KCNH1: variants seen among roughly 807,000 people sequenced by gnomAD.
The protein encoded by KCNH1 is potassium voltage-gated channel subfamily H member 1.
KCNH1 carries 27 observed loss-of-function variants against 69.2 expected under a neutral mutation model. The ratio of observed to expected loss-of-function variants is 0.39; its 90% CI spans 0.29 to 0.54. The LOEUF (loss-of-function observed/expected upper bound fraction) is 0.54, where lower values mean the gene tolerates loss of function less well. KCNH1 is among the 20% of genes least tolerant of loss of function. The pLI is 0.68. For missense variants in KCNH1, 798 were observed against 1,261.6 expected, an observed-to-expected ratio of 0.63 and a Z score of 5.57; for synonymous variants, 456 against 487.7, an observed-to-expected ratio of 0.93 and a Z score of 0.86.
At chr1:211,008,222 A>G (rs1490241181) in intron 6 of KCNH1, among the ~76,000 whole-genome samples, 1 of 152,228 alleles carries the variant, frequency 6.6e-6, no homozygotes, top group Non-Finnish European at 1.5e-5. Context: ...ATTCATCCTT[A>G]AAAAGGAAGC....
At chr1:210,903,738 A>G (rs1176115512) in intron 7 of KCNH1, among the ~76,000 whole-genome samples, 4 of 152,228 alleles carry the variant, frequency 2.6e-5, no homozygotes, top group Non-Finnish European at 4.4e-5. Flanking sequence ...ACCTCTCTGG[A>G]AAGTCCTGGA....
At chr1:210,882,000 A>G (rs1162605606) in intron 7 of KCNH1, among the ~76,000 whole-genome samples, 3 of 152,206 alleles carry the variant, frequency 2.0e-5, no homozygotes, top group Non-Finnish European at 4.4e-5. Context: ...TACAACACCA[A>G]GAGTGAACCC....
At chr1:211,108,988 G>A (rs1183134102) in intron 1 of KCNH1, among the ~76,000 whole-genome samples, 2 of 152,106 alleles carry the variant, frequency 1.3e-5, no homozygotes, top group Admixed American at 6.6e-5. Context: ...AAAGAAACAG[G>A]TAAGAAAACA....
chr1:210,862,399 A>T (rs1574302961), intron 7 of KCNH1: 1 of 596,192 alleles, frequency 1.7e-6, no homozygotes, highest in East Asian at 3.3e-5. Flanking sequence ...GCAATGGTGC[A>T]ATCTTAACTC....
intron 6 of KCNH1, among the ~76,000 whole-genome samples, chr1:210,920,369 C>T (rs963231709): frequency 6.6e-6 from 1 of 152,012 alleles, no homozygotes; most frequent in African/African-American, 2.4e-5. Context: ...TCATTACTTA[C>T]TTTAAAAAAT....
At chr1:210,714,370 C>T (rs567466982) in intron 10 of KCNH1, among the ~76,000 whole-genome samples, 1 of 152,294 alleles carries the variant, frequency 6.6e-6, no homozygotes, top group Non-Finnish European at 1.5e-5. Context: ...GATAGGTGCT[C>T]ATGAAACATT....
At chr1:210,730,045 G>A (rs2149030917) in intron 10 of KCNH1, among the ~76,000 whole-genome samples, 1 of 152,256 alleles carries the variant, frequency 6.6e-6, no homozygotes, top group Admixed American at 6.5e-5. Flanking sequence ...GCAGCTCTCA[G>A]TAAAGCCAAT....
chr1:210,793,881 C>T (rs887757882), intron 9 of KCNH1, among the ~76,000 whole-genome samples: 1 of 152,220 alleles, frequency 6.6e-6, no homozygotes, highest in African/African-American at 2.4e-5. Context: ...CAATGCGAAT[C>T]ATGCAGAGTG....
intron 10 of KCNH1, among the ~76,000 whole-genome samples, chr1:210,736,405 A>G (rs1682879847): frequency 2.6e-5 from 4 of 152,114 alleles, no homozygotes. Flanking sequence ...AAAAGTAGAC[A>G]GGTGTGGTGG....
chr1:210,808,932 G>C (rs6540625), intron 7 of KCNH1, among the ~76,000 whole-genome samples: 118,081 of 151,918 alleles, frequency 0.78, 46,277 homozygotes, highest in Non-Finnish European at 0.83. Flanking sequence ...TCCCAGTGCA[G>C]AAGGTGTTAT....
At chr1:211,029,965 C>T (rs1279787321) in intron 5 of KCNH1, among the ~76,000 whole-genome samples, 3 of 152,194 alleles carry the variant, frequency 2.0e-5, no homozygotes, top group Non-Finnish European at 2.9e-5. Context: ...TATAACAAAA[C>T]GTGCAGGATT....
chr1:210,759,208 GCTCT>G (rs1004866431), intron 10 of KCNH1, among the ~76,000 whole-genome samples: 61 of 143,610 alleles, frequency 4.2e-4, no homozygotes, highest in African/African-American at 1.6e-3. Context: ...AGAAGTGCTG[GCTCT>G]CTCAGGTGAG....
At chr1:210,827,312 C>G (rs1176171150) in intron 7 of KCNH1, among the ~76,000 whole-genome samples, 1 of 151,806 alleles carries the variant, frequency 6.6e-6, no homozygotes, top group Non-Finnish European at 1.5e-5. Context: ...CTCTGGGCAA[C>G]AGGGCGAGAC....
At chr1:210,920,116 T>C in intron 6 of KCNH1, 47 bp from the exon 7 acceptor site, 1 of 1,551,490 alleles carries the variant, frequency 6.4e-7, no homozygotes. Context: ...CCAAAGATAC[T>C]ACTCTCGTCC....
intron 7 of KCNH1, among the ~76,000 whole-genome samples, chr1:210,904,669 T>A (rs939628014): frequency 6.6e-6 from 1 of 151,948 alleles, no homozygotes; most frequent in Non-Finnish European, 1.5e-5. Flanking sequence ...AACACCCACA[T>A]CTCTGTCTAG....
intron 7 of KCNH1, among the ~76,000 whole-genome samples, chr1:210,907,840 G>C (rs1178982974): frequency 4.6e-5 from 7 of 152,184 alleles, no homozygotes; most frequent in Admixed American, 4.6e-4. Flanking sequence ...AAGCACCTAT[G>C]GTCACCCAGA....
intron 5 of KCNH1, among the ~76,000 whole-genome samples, chr1:211,044,794 A>C (rs912696726): frequency 1.3e-5 from 2 of 151,968 alleles, no homozygotes; most frequent in African/African-American, 4.8e-5. Flanking sequence ...ACACTTCTAC[A>C]CTACTGGTGG....
intron 6 of KCNH1, among the ~76,000 whole-genome samples, chr1:210,971,567 T>C (rs1688512740): frequency 6.6e-6 from 1 of 152,206 alleles, no homozygotes; most frequent in Admixed American, 6.6e-5. Flanking sequence ...GATTATTCTA[T>C]CTATGTATCT....
chr1:210,976,531 G>A (rs560875056), intron 6 of KCNH1, among the ~76,000 whole-genome samples: 1 of 144,670 alleles, frequency 6.9e-6, no homozygotes, highest in South Asian at 2.3e-4. Flanking sequence ...CAACCATTGC[G>A]GAAGTCAGTG....
Sources: gnomAD v4.1 joint callset for allele counts (sites outside exome capture counted in the v4.1 genomes callset) on GRCh38, gnomAD v4.1.1 for gene constraint, MANE v1.5 for transcripts, NCBI Gene and HGNC (gene_info 2026-07-23, HGNC 2026-07-21) for gene names.